Variants in CADPS observed in about 807,000 individuals in gnomAD.
CADPS encodes the protein calcium-dependent secretion activator 1.
CADPS carries 57 observed loss-of-function variants against 167.3 expected under a neutral mutation model. The ratio of observed to expected loss-of-function variants is 0.34; its 90% CI spans 0.28 to 0.42. CADPS has a LOEUF of 0.42. CADPS is among the 20% of genes least tolerant of loss of function. The pLI, the probability that CADPS is intolerant of heterozygous loss-of-function variation, is 1.00. For synonymous variants in CADPS, 676 were observed against 635.3 expected, an observed-to-expected ratio of 1.06 and a Z score of -0.96; for missense variants, 1,414 against 1,738.1, an observed-to-expected ratio of 0.81 and a Z score of 3.32.
chr3:62,518,290 T>C, intron 13 of CADPS, 40 bp from the exon 14 acceptor site: 1 of 1,401,848 alleles, frequency 7.1e-7, no homozygotes, highest in South Asian at 1.2e-5. Context: ...GAACCTCATA[T>C]GCTGACACCA....
chr3:62,467,284 G>A (rs970966735), intron 24 of CADPS: 1 of 1,235,132 alleles, frequency 8.1e-7, no homozygotes, highest in Non-Finnish European at 1.0e-6. Context: ...ATTTGAAAAG[G>A]AAAATGCACT....
chr3:62,721,224 G>T (rs2151978270), intron 3 of CADPS, among the ~76,000 whole-genome samples: 1 of 151,332 alleles, frequency 6.6e-6, no homozygotes, highest in Admixed American at 6.6e-5. Context: ...CTGCTCATCA[G>T]AGCGGCTGGG....
At chr3:62,537,120 T>C (rs1327727936) in intron 11 of CADPS, among the ~76,000 whole-genome samples, 1 of 152,076 alleles carries the variant, frequency 6.6e-6, no homozygotes, top group East Asian at 1.9e-4. Context: ...GTCCCCACCC[T>C]GCAAAATTAA....
At chr3:62,403,257 A>G in intron 28 of CADPS, 72 bp from the exon 29 acceptor site, 1 of 959,092 alleles carries the variant, frequency 1.0e-6, no homozygotes, top group Non-Finnish European at 1.7e-6. Context: ...AGAGCAGGCA[A>G]TGTTTGAGTA....
intron 3 of CADPS, among the ~76,000 whole-genome samples, chr3:62,696,390 T>A (rs1274017056): frequency 2.0e-5 from 3 of 152,070 alleles, no homozygotes; most frequent in Non-Finnish European, 4.4e-5. Context: ...ACACTGTCAA[T>A]ACTTGCAGAT....
chr3:62,746,362 C>T (rs748582323), intron 3 of CADPS, among the ~76,000 whole-genome samples: 7 of 152,116 alleles, frequency 4.6e-5, no homozygotes, highest in East Asian at 1.9e-4. Flanking sequence ...GACAGAGTCT[C>T]GCTCTCTCAG....
At chr3:62,460,544 A>AC (rs1349383975) in intron 26 of CADPS, among the ~76,000 whole-genome samples, 1 of 152,066 alleles carries the variant, frequency 6.6e-6, no homozygotes, top group African/African-American at 2.4e-5. Flanking sequence ...TATTCACCCC[A>AC]CTCTAGAATT....
intron 1 of CADPS, among the ~76,000 whole-genome samples, chr3:62,801,948 C>A (rs1283711514): frequency 1.3e-5 from 2 of 152,132 alleles, no homozygotes; most frequent in Middle Eastern, 3.2e-3. Flanking sequence ...CACAATTGTG[C>A]AGACATCACT....
chr3:62,558,177 C>T (rs189068437), intron 9 of CADPS, among the ~76,000 whole-genome samples: 2 of 152,330 alleles, frequency 1.3e-5, no homozygotes, highest in East Asian at 1.9e-4. Context: ...AAGCAATGAG[C>T]GCTTGATCGC....
At chr3:62,686,447 A>C (rs2078049812) in intron 3 of CADPS, among the ~76,000 whole-genome samples, 1 of 152,044 alleles carries the variant, frequency 6.6e-6, no homozygotes, top group Non-Finnish European at 1.5e-5. Flanking sequence ...TTAAATGCTA[A>C]ATGTGAACTA....
chr3:62,864,665 T>C (rs1383428475), intron 1 of CADPS, among the ~76,000 whole-genome samples: 3 of 152,274 alleles, frequency 2.0e-5, no homozygotes, highest in South Asian at 2.1e-4. Flanking sequence ...ACATCAGTCA[T>C]AATGGATTAT....
At chr3:62,824,688 TA>T (rs905093480) in intron 1 of CADPS, among the ~76,000 whole-genome samples, 2 of 152,038 alleles carry the variant, frequency 1.3e-5, no homozygotes, top group South Asian at 4.2e-4. Context: ...CACCACTTTT[TA>T]AAAAAAAGGT....
Position 62,412,246 on chromosome 3 carries a change from T to C in CADPS, c.3778-9061A>G, listed in dbSNP as rs1394482997. ...CTATCAGTGCTGTGGCTTTTCAGGA[T>C]GGCCGGGTCCTAAAGTTTGGACGGC... On this transcript the variant is annotated intron_variant, in intron 28 of 29. Coordinates refer to ENST00000383710, the MANE Select transcript of CADPS (RefSeq NM_003716.4). The surrounding 1 kb of genome is among the most constrained non-coding windows in gnomAD (Gnocchi z 4.1). Among the ~76,000 whole-genome samples, 1 of 151,634 alleles carries C rather than the reference T, an allele frequency of 6.6e-6. No homozygotes were observed. The highest frequency in any genetic ancestry group is 1.5e-5 in the Non-Finnish European group (1 of 67,968).
intron 17 of CADPS, among the ~76,000 whole-genome samples, chr3:62,510,002 T>TAAGGTTA (rs974739027): frequency 9.2e-5 from 14 of 152,208 alleles, no homozygotes; most frequent in Non-Finnish European, 2.9e-5. Context: ...TTTATGAGTC[T>TAAGGTTA]AAGGTTAAGA....
At chr3:62,518,700 G>C (rs905948439) in intron 13 of CADPS, among the ~76,000 whole-genome samples, 9 of 152,082 alleles carry the variant, frequency 5.9e-5, no homozygotes, top group Non-Finnish European at 1.2e-4. Flanking sequence ...GCACTCACCT[G>C]GTCCACATTG....
intron 16 of CADPS, among the ~76,000 whole-genome samples, chr3:62,515,145 C>T (rs1198905124): frequency 1.3e-5 from 2 of 152,018 alleles, no homozygotes; most frequent in African/African-American, 4.8e-5. Flanking sequence ...AGTTTCTTTT[C>T]CCCCCAGTTG....
chr3:62,660,313 A>G lies in CADPS; in HGVS notation c.969+2001T>C, dbSNP rs186542975. Among the ~76,000 whole-genome samples, 269 of 152,336 alleles carry G rather than the reference A, an allele frequency of 1.8e-3. 2 individuals carry two copies. The highest frequency in any genetic ancestry group is 2.3e-3 in the Non-Finnish European group (157 of 68,032). On this transcript the variant is annotated intron_variant, in intron 4 of 29. Coordinates refer to ENST00000383710, the MANE Select transcript of CADPS (RefSeq NM_003716.4). ...TCTAAAATGCAGATGAATGGACCAA[A>G]TGACCTCCATTTTCTGGATAATCCA...
intron 1 of CADPS, among the ~76,000 whole-genome samples, chr3:62,799,132 G>A (rs2093621627): frequency 6.6e-6 from 1 of 152,136 alleles, no homozygotes; most frequent in African/African-American, 2.4e-5. Flanking sequence ...TCCAGGAGAA[G>A]AGTAATGCTT....
At chr3:62,628,767 C>T (rs959478597) in intron 6 of CADPS, among the ~76,000 whole-genome samples, 1 of 151,972 alleles carries the variant, frequency 6.6e-6, no homozygotes, top group Non-Finnish European at 1.5e-5. Context: ...GCTGGGACCA[C>T]AGGTGCCCGC....
Sources: allele counts gnomAD v4.1 joint callset (sites outside exome capture counted in the v4.1 genomes callset), GRCh38; gene constraint gnomAD v4.1.1; non-coding constraint Gnocchi (gnomAD v3.1); transcripts MANE v1.5; gene names NCBI Gene and HGNC (gene_info 2026-07-23, HGNC 2026-07-21).